Variants in ADGRL3 observed in about 807,000 individuals in gnomAD.
ADGRL3 encodes the protein adhesion G protein-coupled receptor L3, also known as calcium-independent alpha-latrotoxin receptor 3.
ADGRL3 carries 62 observed loss-of-function variants against 153.5 expected under a neutral mutation model. The observed-to-expected ratio is 0.40, with a 90% CI of 0.33 to 0.50. ADGRL3 has a LOEUF of 0.50. Among genes scored for constraint, ADGRL3 ranks in the 20% least tolerant of loss-of-function variants. The pLI, the probability that ADGRL3 is intolerant of heterozygous loss-of-function variation, is 0.47. For synonymous variants in ADGRL3, 710 were observed against 672.5 expected (o/e 1.06, Z -0.86); for missense variants, 1,641 against 1,859.4 (o/e 0.88, Z 2.16).
chr4:62,007,421 T>TAC (rs1211568012), intron 21 of ADGRL3, among the ~76,000 whole-genome samples: 97 of 98,524 alleles, frequency 9.8e-4, no homozygotes, highest in Middle Eastern at 5.4e-3. Flanking sequence ...TATATATATA[T>TAC]ACACATATAT....
intron 2 of ADGRL3, among the ~76,000 whole-genome samples, chr4:61,422,128 T>C (rs1052184467): frequency 1.3e-5 from 2 of 152,164 alleles, no homozygotes; most frequent in African/African-American, 4.8e-5. Context: ...TGCTTTGCAT[T>C]TTCGTGTCTT....
chr4:61,335,531 C>T (rs1370681871), intron 1 of ADGRL3, among the ~76,000 whole-genome samples: 5 of 152,140 alleles, frequency 3.3e-5, no homozygotes, highest in South Asian at 2.1e-4. Context: ...ATTAACATCC[C>T]GAAATGTCAA....
intron 3 of ADGRL3, among the ~76,000 whole-genome samples, chr4:61,508,077 G>C (rs1466985046): frequency 1.3e-5 from 2 of 151,886 alleles, no homozygotes; most frequent in African/African-American, 2.4e-5. Flanking sequence ...CTCCTCTTAA[G>C]GTACATAATA....
chr4:61,457,872 A>C (rs2097771267), intron 2 of ADGRL3, among the ~76,000 whole-genome samples: 1 of 151,632 alleles, frequency 6.6e-6, no homozygotes, highest in African/African-American at 2.4e-5. Flanking sequence ...ATAGATAGAT[A>C]GATAGATAGA....
At chr4:61,427,923 A>G (rs2097302685) in intron 2 of ADGRL3, 2 of 152,728 alleles carry the variant, frequency 1.3e-5, no homozygotes, top group South Asian at 4.1e-4. Flanking sequence ...TGTGCTTCAA[A>G]GTGCTTCAGC....
chr4:61,739,227 T>G (rs1036021904), intron 8 of ADGRL3, among the ~76,000 whole-genome samples: 1 of 152,286 alleles, frequency 6.6e-6, no homozygotes, highest in African/African-American at 2.4e-5. Context: ...ATAAAAAGTT[T>G]TTTTTGGAAC....
intron 8 of ADGRL3, among the ~76,000 whole-genome samples, chr4:61,800,452 G>T (rs932299224): frequency 6.6e-6 from 1 of 152,224 alleles, no homozygotes; most frequent in East Asian, 1.9e-4. Flanking sequence ...TAAGTCTATT[G>T]TAGAGGGTCC....
chr4:61,985,696 G>C (rs144712452), intron 19 of ADGRL3, among the ~76,000 whole-genome samples: 2 of 152,212 alleles, frequency 1.3e-5, no homozygotes, highest in East Asian at 3.9e-4. Context: ...CAGCATATGT[G>C]AACTATGCTA....
At chr4:61,499,808 TA>T (rs1346763735) in intron 3 of ADGRL3, among the ~76,000 whole-genome samples, 3 of 151,980 alleles carry the variant, frequency 2.0e-5, no homozygotes, top group Non-Finnish European at 4.4e-5. Flanking sequence ...TAGAGAAAAT[TA>T]GGTTAAAAAT....
chr4:61,671,649 T>A (rs2095004881), intron 5 of ADGRL3, among the ~76,000 whole-genome samples: 1 of 152,200 alleles, frequency 6.6e-6, no homozygotes, highest in African/African-American at 2.4e-5. Flanking sequence ...GAGGGCCTGG[T>A]TATATAATGC....
rs940808161 is a variant in ADGRL3, at chr4:61,292,230, A to G, written c.-240+90465A>G. 4.6e-5 allele frequency among the ~76,000 whole-genome samples: 7 copies of G among 152,186 alleles called. No homozygotes were observed. The East Asian group carries it at 5.8e-4, about 13-fold the overall frequency. ...CTATAACCTTAAGCTTTCCTGAAAC[A>G]TATTCCTTTTCCATTAGGGCTGAAG... On this transcript the variant is annotated intron_variant, in intron 1 of 26. Coordinates refer to ENST00000683033, the MANE Select transcript of ADGRL3 (RefSeq NM_001387552.1).
intron 8 of ADGRL3, among the ~76,000 whole-genome samples, chr4:61,779,159 G>A (rs529564884): frequency 6.6e-6 from 1 of 152,120 alleles, no homozygotes; most frequent in African/African-American, 2.4e-5. Flanking sequence ...TGATCAGTGA[G>A]TTTAAATTAT....
At chr4:61,807,961 G>C (rs2066258060) in intron 8 of ADGRL3, among the ~76,000 whole-genome samples, 1 of 152,046 alleles carries the variant, frequency 6.6e-6, no homozygotes, top group Non-Finnish European at 1.5e-5. Context: ...GTGGGTCCCT[G>C]TCCCTTATCT....
chr4:61,481,849 T>C (rs1263786698), intron 2 of ADGRL3, among the ~76,000 whole-genome samples: 1 of 152,074 alleles, frequency 6.6e-6, no homozygotes, highest in Non-Finnish European at 1.5e-5. Flanking sequence ...TAGAAAAAAA[T>C]ATAAAAGGTG....
chr4:61,387,340 C>G (rs2096749597), intron 2 of ADGRL3, among the ~76,000 whole-genome samples: 1 of 152,076 alleles, frequency 6.6e-6, no homozygotes, highest in Non-Finnish European at 1.5e-5. Flanking sequence ...GTTTTGGGCA[C>G]CATTGTCATT....
At chr4:61,809,494 T>C (rs1561287266) in intron 8 of ADGRL3, among the ~76,000 whole-genome samples, 1 of 152,116 alleles carries the variant, frequency 6.6e-6, no homozygotes, top group African/African-American at 2.4e-5. Context: ...CTCATAAAAG[T>C]CAGATATTAC....
At chr4:61,992,386 T>C (rs1264387874) in intron 19 of ADGRL3, among the ~76,000 whole-genome samples, 1 of 152,192 alleles carries the variant, frequency 6.6e-6, no homozygotes, top group Non-Finnish European at 1.5e-5. Context: ...CATAACGTTC[T>C]TCTCCACCTT....
intron 5 of ADGRL3, among the ~76,000 whole-genome samples, chr4:61,634,152 G>T (rs2093313694): frequency 6.6e-6 from 1 of 152,064 alleles, no homozygotes; most frequent in South Asian, 2.1e-4. Flanking sequence ...TTTATCTTTT[G>T]TGTGTTCCTT....
chr4:61,499,987 GACACACACACAC>G (rs34740052), intron 3 of ADGRL3, among the ~76,000 whole-genome samples: 1 of 138,958 alleles, frequency 7.2e-6, no homozygotes, highest in Non-Finnish European at 1.6e-5. Context: ...CACACACACA[GACACACACACAC>G]ACACACACAC....
Sources: allele counts gnomAD v4.1 joint callset (sites outside exome capture counted in the v4.1 genomes callset), GRCh38; gene constraint gnomAD v4.1.1; transcripts MANE v1.5; gene names NCBI Gene and HGNC (gene_info 2026-07-23, HGNC 2026-07-21).